Variants in FZD6 observed in about 807,000 individuals in gnomAD.
FZD6 encodes frizzled-6.
A neutral mutation model predicts 61.4 loss-of-function variants in FZD6; 49 were observed. That is an observed-to-expected ratio of 0.80 (90% CI 0.63 to 1.01). FZD6 has a LOEUF of 1.01. Ranked by LOEUF, FZD6 falls within the 50% of genes least tolerant of loss-of-function variation. FZD6 has a pLI of 0.00. For missense variants in FZD6, 724 were observed against 848.2 expected (o/e 0.85, Z 1.82); for synonymous variants, 265 against 292.2 (o/e 0.91, Z 0.95).
chr8:103,307,501 C>T (rs1471847735), intron 2 of FZD6, among the ~76,000 whole-genome samples: 1 of 151,978 alleles, frequency 6.6e-6, no homozygotes, highest in Non-Finnish European at 1.5e-5. Context: ...GAATGTAAAA[C>T]AACCTATCTG....
At chr8:103,304,063 C>T (rs1814257763) in intron 2 of FZD6, among the ~76,000 whole-genome samples, 1 of 152,042 alleles carries the variant, frequency 6.6e-6, no homozygotes, top group Non-Finnish European at 1.5e-5. Context: ...GGTTTTACAC[C>T]TCCAACCCGA....
intron 3 of FZD6, among the ~76,000 whole-genome samples, chr8:103,321,926 T>G (rs1265836195): frequency 6.6e-6 from 1 of 152,174 alleles, no homozygotes; most frequent in Non-Finnish European, 1.5e-5. Context: ...TTATACTTCT[T>G]TCCTTACACT....
rs1034638997 is a variant in FZD6 at position 103,328,190 on chromosome 8, C to T, written c.1393-78C>T. 5.6e-5 allele frequency: 60 copies of T among 1,067,278 alleles called. No homozygotes were observed. In the Middle Eastern group the frequency reaches 6.1e-4, roughly 11 times the overall value. The allele number at this position is 1,067,278 out of a possible 1,614,324, so 66.1% of individuals were successfully genotyped here. On this transcript the variant is annotated intron_variant, in intron 4 of 6. Coordinates refer to ENST00000358755, the MANE Select transcript of FZD6 (RefSeq NM_003506.4). ...CAGTTGAAGATTTATAACTTTTGTT[C>T]GTTTTATATTGACAATATAGACTTC...
intron 2 of FZD6, chr8:103,307,808 T>C (rs1260563515): frequency 6.6e-6 from 3 of 455,996 alleles, no homozygotes; most frequent in Non-Finnish European, 1.3e-5. Flanking sequence ...AGGTAGCTCA[T>C]AGAATCGCCA....
rs192191884 is a variant in FZD6, at chr8:103,320,520, A to G, written c.374+1734A>G. 1.4e-4 allele frequency among the ~76,000 whole-genome samples: 21 copies of G among 152,276 alleles called. No individual in the cohort carries two copies. In the East Asian group the frequency reaches 3.7e-3, roughly 27 times the overall value. On this transcript the variant is annotated intron_variant, in intron 3 of 6. Transcript: ENST00000358755. ...CAATAGCCTATGAAAGTCTAAATAG[A>G]TGGGGAGCGAAATGAAGAGAGAAAT... is the stretch of plus-strand genomic sequence containing the variant.
intron 4 of FZD6, among the ~76,000 whole-genome samples, chr8:103,327,370 G>A (rs1162266149): frequency 3.3e-5 from 5 of 152,168 alleles, no homozygotes; most frequent in African/African-American, 9.7e-5. Context: ...TGAGGAGGGC[G>A]GATTGCCTGA....
chr8:103,308,094 A>G (rs751539238), intron 2 of FZD6, among the ~76,000 whole-genome samples: 2 of 152,164 alleles, frequency 1.3e-5, no homozygotes, highest in Admixed American at 1.3e-4. Flanking sequence ...GGAAAAGTCT[A>G]TGCTATTGGA....
At chr8:103,330,551 C>G (rs1815090647) in intron 6 of FZD6, among the ~76,000 whole-genome samples, 1 of 152,186 alleles carries the variant, frequency 6.6e-6, no homozygotes, top group Non-Finnish European at 1.5e-5. Flanking sequence ...GCATTAAGAT[C>G]TCAAGGTTAT....
chr8:103,321,578 A>G (rs542655599), intron 3 of FZD6, among the ~76,000 whole-genome samples: 23 of 152,360 alleles, frequency 1.5e-4, no homozygotes, highest in Admixed American at 9.1e-4. Context: ...GGCTGCATCT[A>G]TTATTTGAGA....
chr8:103,328,071 T>A (rs1815003993), intron 4 of FZD6, among the ~76,000 whole-genome samples, 197 bp from the exon 5 acceptor site: 1 of 152,202 alleles, frequency 6.6e-6, no homozygotes, highest in Non-Finnish European at 1.5e-5. Flanking sequence ...TCTAGAGATT[T>A]GGTACATAAA....
intron 4 of FZD6, among the ~76,000 whole-genome samples, chr8:103,325,951 C>G (rs1266472390): frequency 6.6e-6 from 1 of 151,784 alleles, no homozygotes; most frequent in Non-Finnish European, 1.5e-5. Context: ...TGCTTTTTGC[C>G]TGACTCATCT....
At chr8:103,318,302 G>A (rs1814687448) in intron 2 of FZD6, among the ~76,000 whole-genome samples, 2 of 152,182 alleles carry the variant, frequency 1.3e-5, no homozygotes, top group Admixed American at 1.3e-4. Context: ...GTTAAGAGCT[G>A]AGTAGAAGGG....
intron 2 of FZD6, among the ~76,000 whole-genome samples, chr8:103,314,105 A>G (rs1586512282): frequency 6.6e-6 from 1 of 152,160 alleles, no homozygotes; most frequent in African/African-American, 2.4e-5. Context: ...GGATTAGCCA[A>G]CTTTGGCACT....
chr8:103,310,257 G>A (rs1814455893), intron 2 of FZD6, among the ~76,000 whole-genome samples: 1 of 151,892 alleles, frequency 6.6e-6, no homozygotes, highest in African/African-American at 2.4e-5. Context: ...AGTCCTTTTT[G>A]TCCTTTTGTG....
chr8:103,320,521 T>G (rs1213242291), intron 3 of FZD6, among the ~76,000 whole-genome samples: 2 of 151,840 alleles, frequency 1.3e-5, no homozygotes, highest in Non-Finnish European at 2.9e-5. Flanking sequence ...TCTAAATAGA[T>G]GGGGAGCGAA....
intron 2 of FZD6, among the ~76,000 whole-genome samples, chr8:103,304,152 T>C (rs1586501921): frequency 6.6e-6 from 1 of 152,316 alleles, no homozygotes; most frequent in East Asian, 1.9e-4. Flanking sequence ...GGCTGAAAAA[T>C]TGCCTGATGG....
At chr8:103,325,914 A>G (rs1428435573) in intron 4 of FZD6, among the ~76,000 whole-genome samples, 2 of 152,300 alleles carry the variant, frequency 1.3e-5, no homozygotes, top group South Asian at 2.1e-4. Context: ...AGCTTTTTAC[A>G]TAGTATATAC....
chr8:103,322,566 A>C (rs1814822600), intron 3 of FZD6, among the ~76,000 whole-genome samples: 1 of 152,132 alleles, frequency 6.6e-6, no homozygotes, highest in African/African-American at 2.4e-5. Flanking sequence ...CCATTCACTG[A>C]CCTTTTCCAC....
At chr8:103,307,842 G>C (rs1259071002) in intron 2 of FZD6, 10 of 455,966 alleles carry the variant, frequency 2.2e-5, no homozygotes, top group Non-Finnish European at 4.0e-5. Context: ...TCAAGCTCAG[G>C]CTGTAAGGAA....
Sources: allele counts gnomAD v4.1 joint callset (sites outside exome capture counted in the v4.1 genomes callset), GRCh38; gene constraint gnomAD v4.1.1; transcripts MANE v1.5; gene names NCBI Gene and HGNC (gene_info 2026-07-23, HGNC 2026-07-21).